The following CNNM3 variants were observed in gnomAD, a reference collection of about 807,000 sequenced individuals.
CNNM3 encodes the protein cyclin and CBS domain divalent metal cation transport mediator 3, also known as metal transporter CNNM3.
CNNM3 carries 47 observed loss-of-function variants against 57.1 expected under a neutral mutation model. The observed-to-expected ratio is 0.82, with a 90% CI of 0.65 to 1.05. The LOEUF is 1.05. Among genes scored for constraint, CNNM3 ranks in the 50% least tolerant of loss-of-function variants. CNNM3 has a pLI of 0.00. For synonymous variants in CNNM3, 507 were observed against 478.2 expected (o/e 1.06, Z -0.79); for missense variants, 957 against 973.7 (o/e 0.98, Z 0.23).
rs539734601 is a variant in CNNM3 at position 96,832,833 on chromosome 2, G to A, written c.*217G>A. 9.2e-6 allele frequency: 14 copies of A among 1,516,508 alleles called. No individual in the cohort carries two copies. Among genetic ancestry groups the A allele is most frequent in the Non-Finnish European group, 2.6e-6 (3 of 1,135,020 alleles). 93.9% of individuals were successfully genotyped at this position (1,516,508 alleles called of 1,614,324 possible). A position where few individuals can be genotyped will look rare whatever the true frequency, so the allele number is the denominator to read the frequency against. ...TCCTTTAGGAGACAGGAGTCACCAG[G>A]GCACAGCCCTCCAGGCCCGCCTCAG... On this transcript the variant is annotated 3_prime_UTR_variant, in exon 8 of 8. Transcript: ENST00000305510.
At chr2:96,824,167 A>G (rs2079455058) in intron 1 of CNNM3, among the ~76,000 whole-genome samples, 1 of 152,210 alleles carries the variant, frequency 6.6e-6, no homozygotes, top group Non-Finnish European at 1.5e-5. Flanking sequence ...TCTGAGACAT[A>G]GTAAATTCCT....
Position 96,816,851 on chromosome 2 carries a change from GGCTGCGCCTTGGGCGC to G in CNNM3, c.580_595del (p.Ala194CysfsTer45). On this transcript the variant is annotated frameshift_variant, in exon 1 of 8. Transcript: ENST00000305510. LOFTEE classifies it high-confidence loss of function. ...TTTGGAGCCCGCGCGGCGCTGGGCC[GGCTGCGCCTTGGGCGC>G]GCTGCTGCTGCTGGCCAGCCTGGCG... is the stretch of plus-strand genomic sequence containing the variant. The G allele has an allele frequency of 9.4e-7, 1 of 1,063,604 alleles. No individual in the cohort carries two copies. The highest frequency in any genetic ancestry group is 1.1e-6 in the Non-Finnish European group (1 of 884,308). 65.9% of individuals were successfully genotyped at this position (1,063,604 alleles called of 1,614,324 possible).
In CNNM3 at chr2:96,834,540, G is replaced by A. The variant is rs889018971; in HGVS notation, c.*1924G>A. Among the ~76,000 whole-genome samples, 2 of 150,784 alleles carry A rather than the reference G, an allele frequency of 1.3e-5. No homozygotes were observed. Among genetic ancestry groups the A allele is most frequent in the Admixed American group, 6.6e-5 (1 of 15,150 alleles). The stretch of plus-strand genomic sequence containing the variant: ...TTTTAATTTTTTTTTGTAGAGATAG[G>A]GTCTCATTATGTTGCCTGGGGTAGT... On this transcript the variant is annotated 3_prime_UTR_variant, in exon 8 of 8. Transcript: ENST00000305510.
intron 1 of CNNM3, among the ~76,000 whole-genome samples, chr2:96,819,255 G>T (rs1472359856): frequency 6.6e-6 from 1 of 152,172 alleles, no homozygotes; most frequent in Non-Finnish European, 1.5e-5. Context: ...GGCAGCCCCT[G>T]AGGCAGGGGT....
chr2:96,816,970 C>T lies in CNNM3; in HGVS notation c.693C>T (p.Leu231=), dbSNP rs1009343208. The change falls in exon 1 of 8, where the codon CTC becomes CTT. Residue 231 remains leucine, a synonymous_variant. Coordinates refer to ENST00000305510, the MANE Select transcript of CNNM3 (RefSeq NM_017623.5). ...AVPAVLGSAG[L]VFLVGEVVPA... ...CCGCCGTGTTGGGCAGCGCGGGGCT[C>T]GTGTTCCTGGTGGGAGAGGTGGTGC... is the stretch of plus-strand genomic sequence containing the variant. 6 of 1,347,350 alleles carry T rather than the reference C, an allele frequency of 4.5e-6. No individual in the cohort carries two copies. In the African/African-American group the frequency reaches 4.7e-5, roughly 10 times the overall value. 83.5% of individuals were successfully genotyped at this position (1,347,350 alleles called of 1,614,324 possible).
intron 3 of CNNM3, among the ~76,000 whole-genome samples, 170 bp from the exon 4 acceptor site, chr2:96,827,561 C>T (rs1381662612): frequency 1.3e-5 from 2 of 152,220 alleles, no homozygotes; most frequent in Non-Finnish European, 2.9e-5. Flanking sequence ...AGCCACCGCA[C>T]CTGGCCCCTG....
downstream of CNNM3, chr2:96,836,942 AGCT>A (rs2079698048): frequency 6.6e-6 from 1 of 152,192 alleles, no homozygotes; most frequent in Non-Finnish European, 1.5e-5. Context: ...TTAATCCTAT[AGCT>A]GGTCCAGCTG....
At chr2:96,825,496 C>A (rs558830617) in intron 2 of CNNM3, among the ~76,000 whole-genome samples, 1 of 152,258 alleles carries the variant, frequency 6.6e-6, no homozygotes, top group Non-Finnish European at 1.5e-5. Flanking sequence ...TGAGAGAGCT[C>A]TGCCCTTCAT....
At position 96,817,348 on chromosome 2, in the gene CNNM3, C is replaced by G; in HGVS notation, c.1071C>G (p.Ser357=). ...TCCCGGTGTACGAGGAGGAGCGCTC[C>G]AACATCGTGGACATGCTCTACCTCA... is the stretch of plus-strand genomic sequence containing the variant. ...TRIPVYEEER[S]NIVDMLYLKD... Residue 357 remains serine (S), a synonymous_variant, in exon 1 of 8, where the codon TCC becomes TCG. Transcript: ENST00000305510. 1 of 1,614,168 alleles carries G rather than the reference C, an allele frequency of 6.2e-7. No homozygotes were observed. Among genetic ancestry groups the G allele is most frequent in the South Asian group, 1.1e-5 (1 of 91,086 alleles).
chr2:96,828,430 C>T, intron 5 of CNNM3, 137 bp from the exon 6 acceptor site: 1 of 1,145,208 alleles, frequency 8.7e-7, no homozygotes, highest in Non-Finnish European at 1.2e-6. Flanking sequence ...GTCCTTCTCT[C>T]CCAGCTTCCC....
chr2:96,819,008 T>C (rs182962167), intron 1 of CNNM3, among the ~76,000 whole-genome samples: 1 of 152,300 alleles, frequency 6.6e-6, no homozygotes, highest in East Asian at 1.9e-4. Flanking sequence ...GATGGGCACT[T>C]TCTGTGTAAT....
At chr2:96,827,590 A>T in intron 3 of CNNM3, 141 bp from the exon 4 acceptor site, 1 of 714,890 alleles carries the variant, frequency 1.4e-6, no homozygotes, top group Non-Finnish European at 2.3e-6. Flanking sequence ...TCTTGTGTTG[A>T]GGTGTTAGGG....
rs551041355 is a variant in CNNM3 at position 96,824,134 on chromosome 2, G to A, written c.1226-924G>A. Among the ~76,000 whole-genome samples the A allele has an allele frequency of 3.9e-5, 6 of 152,158 alleles. No individual in the cohort carries two copies. In the South Asian group the frequency reaches 8.3e-4, roughly 21 times the overall value. On this transcript the variant is annotated intron_variant, in intron 1 of 7. Transcript: ENST00000305510. ...TCTGTTTTTTTCAGACGGGTCTAACGTAGTGTGGATGAAAAGCACTTATCT... is the reference window on the plus strand; with the variant it reads ...TCTGTTTTTTTCAGACGGGTCTAACATAGTGTGGATGAAAAGCACTTATCT...
In CNNM3 at chr2:96,817,009, C is replaced by CGGGCGCT. The variant is rs2079331211; in HGVS notation, c.735_741dup (p.Thr248AlafsTer179). ...GAGAGGTGGTGCCGGCCGCCGTGAGCGGGCGCTGGACGCTGGCGCTGGCGC... is the reference window on the plus strand; with the variant it reads ...GAGAGGTGGTGCCGGCCGCCGTGAGCGGGCGCTGGGCGCTGGACGCTGGCGCTGGCGC... On this transcript the variant is annotated frameshift_variant, in exon 1 of 8. Transcript: ENST00000305510. LOFTEE classifies it high-confidence loss of function. 2.2e-6 allele frequency: 3 copies of CGGGCGCT among 1,372,180 alleles called. No individual in the cohort carries two copies. Among genetic ancestry groups the CGGGCGCT allele is most frequent in the Non-Finnish European group, 2.8e-6 (3 of 1,057,226 alleles). The allele number at this position is 1,372,180 out of a possible 1,614,324, so 85.0% of individuals were successfully genotyped here.
At chr2:96,836,045 C>T (rs1354832656), downstream of CNNM3, among the ~76,000 whole-genome samples, 4 of 150,866 alleles carry the variant, frequency 2.7e-5, no homozygotes, top group Non-Finnish European at 2.9e-5. Flanking sequence ...TTTTGGTTTC[C>T]ATTGGTCTGT....
At chr2:96,836,356 C>T (rs1423999146), downstream of CNNM3, among the ~76,000 whole-genome samples, 1 of 151,962 alleles carries the variant, frequency 6.6e-6, no homozygotes, top group Non-Finnish European at 1.5e-5. Flanking sequence ...ATTCTACTGC[C>T]TCAGCCTCCC....
intron 5 of CNNM3, 179 bp downstream of exon 5, chr2:96,828,374 C>T: frequency 1.2e-6 from 1 of 834,090 alleles, no homozygotes; most frequent in Non-Finnish European, 1.9e-6. Context: ...CATCGCTCAA[C>T]TTTGTGGCCC....
intron 2 of CNNM3, 106 bp from the exon 3 acceptor site, chr2:96,826,727 G>A: frequency 1.5e-6 from 2 of 1,347,656 alleles, no homozygotes; most frequent in Non-Finnish European, 2.1e-6. Flanking sequence ...CTCCATCGAG[G>A]ACCCCCTGGC....
intron 1 of CNNM3, among the ~76,000 whole-genome samples, chr2:96,820,236 G>A (rs1039245709): frequency 6.6e-6 from 1 of 152,220 alleles, no homozygotes; most frequent in African/African-American, 2.4e-5. Flanking sequence ...GAATTGGGAA[G>A]ATTGGTATCT....
Sources: allele counts gnomAD v4.1 joint callset (sites outside exome capture counted in the v4.1 genomes callset), GRCh38; gene constraint gnomAD v4.1.1; transcripts MANE v1.5; gene names NCBI Gene and HGNC (gene_info 2026-07-23, HGNC 2026-07-21).